The following CRLF1 variants were observed in gnomAD, a reference collection of about 807,000 sequenced individuals.
The protein encoded by CRLF1 is cytokine receptor like factor 1, also known as cytokine receptor-like factor 1.
Under a neutral mutation model 48.9 loss-of-function variants are expected in CRLF1, and 36 were observed. The observed-to-expected ratio is 0.74, with a 90% CI of 0.56 to 0.97. The LOEUF (loss-of-function observed/expected upper bound fraction) is 0.97, where lower values mean the gene tolerates loss of function less well. CRLF1 is among the 50% of genes least tolerant of loss of function. The probability of loss-of-function intolerance (pLI) is 0.00; values close to 1 mark genes in which losing one functional copy is unlikely to be tolerated. For synonymous variants in CRLF1, 256 were observed against 253.4 expected (o/e 1.01, Z -0.10); for missense variants, 534 against 575.1 (o/e 0.93, Z 0.73).
intron 1 of CRLF1, 88 bp from the exon 2 acceptor site, chr19:18,599,934 C>T: frequency 7.7e-7 from 1 of 1,302,474 alleles, no homozygotes; most frequent in African/African-American, 1.5e-5. Context: ...TCATGGTGGT[C>T]CTGAAAAGAC....
At position 18,606,423 on chromosome 19, in the gene CRLF1, G is replaced by T; in HGVS notation, c.115+119C>A. The T allele has an allele frequency of 3.9e-6, 3 of 770,724 alleles. No individual in the cohort carries two copies. The highest frequency in any genetic ancestry group is 4.8e-6 in the Non-Finnish European group (3 of 627,968). The allele number at this position is 770,724 out of a possible 1,614,324, so 47.7% of individuals were successfully genotyped here. ...GCGCCCCGAGGGCTGCGCCGGGGGCGCCTTCCTTTGTTCCCCGGCCGTCCA... is the reference window on the plus strand; with the variant it reads ...GCGCCCCGAGGGCTGCGCCGGGGGCTCCTTCCTTTGTTCCCCGGCCGTCCA... On this transcript the variant is annotated intron_variant, in intron 1 of 8. Transcript: ENST00000392386. This position sits in a 1 kb window ranked among gnomAD's most constrained non-coding sequence, Gnocchi z 4.8.
chr19:18,599,847 C>G lies in CRLF1; in HGVS notation c.116-1G>C. 2 of 1,522,700 alleles carry G rather than the reference C, an allele frequency of 1.3e-6. No homozygotes were observed. The highest frequency in any genetic ancestry group is 1.8e-6 in the Non-Finnish European group (2 of 1,133,380). 94.3% of individuals were successfully genotyped at this position (1,522,700 alleles called of 1,614,324 possible). ...TCCTGGGGACTGATCACAGCTGTGT[C>G]TGGGGTCAAAGAGGAACACGTGTCA... On this transcript the variant is annotated splice_acceptor_variant, in intron 1 of 8. Transcript: ENST00000392386. LOFTEE classifies it high-confidence loss of function.
Position 18,595,938 on chromosome 19 carries a change from C to G in CRLF1, c.1024+684G>C, listed in dbSNP as rs949265459. ...AGCAGGGGTCTCAAACTCACTGGCC[C>G]CCTCTTAGGAGGGAGTCTGAGTGGC... On this transcript the variant is annotated intron_variant, in intron 6 of 8. Coordinates refer to ENST00000392386, the MANE Select transcript of CRLF1 (RefSeq NM_004750.5). Among the ~76,000 whole-genome samples the G allele has an allele frequency of 5.3e-5, 8 of 152,250 alleles. No homozygotes were observed. In the East Asian group the frequency reaches 1.5e-3, roughly 29 times the overall value.
intron 1 of CRLF1, among the ~76,000 whole-genome samples, chr19:18,600,814 T>A (rs1449626847): frequency 6.6e-6 from 1 of 151,914 alleles, no homozygotes; most frequent in Non-Finnish European, 1.5e-5. Context: ...TTGCTTTTTA[T>A]TTTTTTAGCG....
At position 18,594,313 on chromosome 19, in the gene CRLF1, G is replaced by T. The variant is rs17854326; in HGVS notation, c.1146C>A (p.Asn382Lys). The T allele has an allele frequency of 6.2e-7, 1 of 1,612,644 alleles. No individual in the cohort carries two copies. The change falls in exon 7 of 9, where the codon AAC becomes AAA. Residue 382 changes from asparagine to lysine, a missense_variant. Physicochemically the swap from Asn to Lys is moderately conservative, Grantham distance 94. Coordinates refer to ENST00000392386, the MANE Select transcript of CRLF1 (RefSeq NM_004750.5). Reference protein sequence around the residue: ...GWLKKHAYCSNLSFRLYDQWR... With the variant: ...GWLKKHAYCSKLSFRLYDQWR... ...ACTGGTCGTAGAGGCGGAAGCTGAGGTTGGAGCAGTACGCGTGCTTCTTGA... is the reference window on the plus strand; with the variant it reads ...ACTGGTCGTAGAGGCGGAAGCTGAGTTTGGAGCAGTACGCGTGCTTCTTGA...
In CRLF1 at chr19:18,598,462, C is replaced by T. The variant is rs145884498; in HGVS notation, c.667G>A (p.Asp223Asn). The change falls in exon 4 of 9, where the codon GAT becomes AAT. Residue 223 changes from aspartate (D) to asparagine (N), a missense_variant. Physicochemically the swap from Asp to Asn is conservative, Grantham distance 23. Transcript: ENST00000392386. ...TCCAGGATATCCAGCGTGAGTACAT[C>T]GGAGCGGGCAGAGCCCAGGCGGTTG... ...ATNRLGSARS[D>N]VLTLDILDVV... 1.9e-4 allele frequency: 313 copies of T among 1,613,880 alleles called. 1 individual carries two copies. The highest frequency in any genetic ancestry group is 2.4e-4 in the Non-Finnish European group (287 of 1,179,948).
At chr19:18,599,415 G>A in intron 2 of CRLF1, 150 bp downstream of exon 2, 1 of 1,182,626 alleles carries the variant, frequency 8.5e-7, no homozygotes, top group Non-Finnish European at 1.2e-6. Flanking sequence ...CGGGTCTCCA[G>A]GTTCTCATTC....
chr19:18,594,994 G>A (rs757820983), intron 6 of CRLF1, among the ~76,000 whole-genome samples: 9 of 152,154 alleles, frequency 5.9e-5, no homozygotes, highest in Non-Finnish European at 1.0e-4. Flanking sequence ...AAGGGAGACC[G>A]AGTGCAAGAT....
intron 6 of CRLF1, among the ~76,000 whole-genome samples, chr19:18,596,302 GC>G: frequency 6.6e-6 from 1 of 152,156 alleles, no homozygotes; most frequent in East Asian, 1.9e-4. Context: ...ACTTTGGGAG[GC>G]CGAAATGGGC....
At position 18,606,580 on chromosome 19, in the gene CRLF1, AGC is replaced by A; in HGVS notation, c.75_76del (p.Cys27ArgfsTer59). 1 of 706,218 alleles carries A rather than the reference AGC, an allele frequency of 1.4e-6. No individual in the cohort carries two copies. The highest frequency in any genetic ancestry group is 2.4e-5 in the African/African-American group (1 of 41,624). The allele number at this position is 706,218 out of a possible 1,614,324, so 43.7% of individuals were successfully genotyped here. A position where few individuals can be genotyped will look rare whatever the true frequency, so the allele number is the denominator to read the frequency against. On this transcript the variant is annotated frameshift_variant, in exon 1 of 9. Transcript: ENST00000392386. LOFTEE classifies it high-confidence loss of function. The surrounding 1 kb of genome is among the most constrained non-coding windows in gnomAD (Gnocchi z 4.8). ...GGCTCGCGGCGCCCCGAGGACGCAG[AGC>A]AGCAGCAGCAGGGGCAGCAACGGCG...
At position 18,599,851 on chromosome 19, in the gene CRLF1, G is replaced by C; in HGVS notation, c.116-5C>G. ...GGGGACTGATCACAGCTGTGTCTGG[G>C]GTCAAAGAGGAACACGTGTCAGGCC... On this transcript the variant is annotated splice_polypyrimidine_tract_variant and splice_region_variant and intron_variant, in intron 1 of 8. Transcript: ENST00000392386. 6.6e-7 allele frequency: 1 copy of C among 1,516,686 alleles called. No homozygotes were observed. Among genetic ancestry groups the C allele is most frequent in the South Asian group, 1.3e-5 (1 of 75,084 alleles). The allele number at this position is 1,516,686 out of a possible 1,614,324, so 94.0% of individuals were successfully genotyped here.
At chr19:18,599,036 G>A (rs1976183728) in intron 2 of CRLF1, 135 bp from the exon 3 acceptor site, 3 of 1,510,684 alleles carry the variant, frequency 2.0e-6, no homozygotes, top group Non-Finnish European at 2.6e-6. Flanking sequence ...TCAGCCCTGT[G>A]CTGAGAAATG....
At chr19:18,596,812 A>G (rs753694843) in intron 5 of CRLF1, 22 bp from the exon 6 acceptor site, 23 of 1,612,664 alleles carry the variant, frequency 1.4e-5, no homozygotes, top group Non-Finnish European at 1.7e-5. Flanking sequence ...GGACAAGGTC[A>G]GAGTAGAGGG....
rs868089781 is a variant in CRLF1 at position 18,593,360 on chromosome 19, C to A, written c.*206G>T. 1 of 639,332 alleles carries A rather than the reference C, an allele frequency of 1.6e-6. No individual in the cohort carries two copies. Among genetic ancestry groups the A allele is most frequent in the Middle Eastern group, 4.3e-4 (1 of 2,306 alleles). The allele number at this position is 639,332 out of a possible 1,614,324, so 39.6% of individuals were successfully genotyped here. On this transcript the variant is annotated 3_prime_UTR_variant, in exon 9 of 9. Coordinates refer to ENST00000392386, the MANE Select transcript of CRLF1 (RefSeq NM_004750.5). Reference sequence around the variant, plus strand: ...TTCTAGGCAACTCAACCAACCCTCACACACACACACACACCCACTGGGGTG... The same window carrying A: ...TTCTAGGCAACTCAACCAACCCTCAAACACACACACACACCCACTGGGGTG...
chr19:18,597,931 C>T (rs573337309), intron 4 of CRLF1, among the ~76,000 whole-genome samples: 1 of 152,052 alleles, frequency 6.6e-6, no homozygotes, highest in Non-Finnish European at 1.5e-5. Context: ...CCCCTGAGGG[C>T]AGCAGGGTGA....
intron 8 of CRLF1, 65 bp downstream of exon 8, chr19:18,594,000 C>A: frequency 1.3e-6 from 2 of 1,536,616 alleles, no homozygotes; most frequent in Non-Finnish European, 1.8e-6. Flanking sequence ...GTGAACAAGA[C>A]CTGCAGCCAC....
rs763686070 is a variant in CRLF1, at chr19:18,594,414, C to T, written c.1045G>A (p.Gly349Arg). ...PRSERPGPGGGACEPRGGEPS... is the reference protein window; with the variant it reads ...PRSERPGPGGRACEPRGGEPS... ...TCTCCGCCCCGCGGTTCGCACGCCC[C>T]GCCGCCCGGGCCCGGGCGCTCTGGT... The change falls in exon 7 of 9, where the codon GGG (glycine) becomes AGG (arginine). Residue 349 changes from glycine (G) to arginine (R), a missense_variant. By Grantham distance (125) the Gly-to-Arg change is moderately radical. Coordinates refer to ENST00000392386, the MANE Select transcript of CRLF1 (RefSeq NM_004750.5). 2.0e-6 allele frequency: 3 copies of T among 1,529,854 alleles called. No homozygotes were observed. Among genetic ancestry groups the T allele is most frequent in the South Asian group, 2.4e-5 (2 of 82,906 alleles). The allele number at this position is 1,529,854 out of a possible 1,614,324, so 94.8% of individuals were successfully genotyped here. A position where few individuals can be genotyped will look rare whatever the true frequency, so the allele number is the denominator to read the frequency against.
chr19:18,594,556 T>G, intron 6 of CRLF1, 122 bp from the exon 7 acceptor site: 1 of 736,334 alleles, frequency 1.4e-6, no homozygotes, highest in Non-Finnish European at 1.8e-6. Flanking sequence ...TCCCCGTTTC[T>G]CAAGGACCGA....
At chr19:18,593,693 C>A in intron 8 of CRLF1, 114 bp from the exon 9 acceptor site, 33 of 1,542,348 alleles carry the variant, frequency 2.1e-5, no homozygotes, top group Non-Finnish European at 2.9e-5. Context: ...GGCTGTGTGA[C>A]TTTGGGCAGG....
Sources: allele counts gnomAD v4.1 joint callset (sites outside exome capture counted in the v4.1 genomes callset), GRCh38; gene constraint gnomAD v4.1.1; non-coding constraint Gnocchi (gnomAD v3.1); transcripts MANE v1.5; gene names NCBI Gene and HGNC (gene_info 2026-07-23, HGNC 2026-07-21).